PAMR1: variants seen among roughly 807,000 people sequenced by gnomAD.
PAMR1 encodes inactive serine protease PAMR1.
PAMR1 carries 88 observed loss-of-function variants against 81.8 expected under a neutral mutation model. The ratio of observed to expected loss-of-function variants is 1.08; its 90% CI spans 0.91 to 1.28. The LOEUF is 1.28. Ranked by LOEUF, PAMR1 falls within the 50% of genes most tolerant of loss-of-function variation. The probability of loss-of-function intolerance (pLI) is 0.00; values close to 1 mark genes in which losing one functional copy is unlikely to be tolerated. For synonymous variants in PAMR1, 336 were observed against 345.3 expected, an observed-to-expected ratio of 0.97 and a Z score of 0.30; for missense variants, 935 against 919.7, an observed-to-expected ratio of 1.02 and a Z score of -0.21.
chr11:35,450,371 GCC>G (rs1856389013), intron 6 of PAMR1, among the ~76,000 whole-genome samples: 1 of 152,010 alleles, frequency 6.6e-6, no homozygotes, highest in Admixed American at 6.6e-5. Context: ...TGAATCCAAA[GCC>G]CCCATTTTAT....
intron 1 of PAMR1, among the ~76,000 whole-genome samples, chr11:35,501,684 T>C (rs1042098558): frequency 6.6e-6 from 1 of 152,146 alleles, no homozygotes; most frequent in Non-Finnish European, 1.5e-5. Context: ...GAACACGCAA[T>C]ATTTATGGTT....
chr11:35,463,169 G>T (rs372966862), intron 6 of PAMR1, among the ~76,000 whole-genome samples: 1 of 152,146 alleles, frequency 6.6e-6, no homozygotes. Context: ...TGAGAAGCGC[G>T]GGTCTCCCCT....
chr11:35,511,899 T>G lies in PAMR1; in HGVS notation c.73+13614A>C, dbSNP rs77881611. 7.1e-3 allele frequency among the ~76,000 whole-genome samples: 1,075 copies of G among 152,256 alleles called. 2 individuals carry two copies. The highest frequency in any genetic ancestry group is 9.9e-3 in the Non-Finnish European group (675 of 68,012). ...GAGACTGTGAGTCAGAGGCGACAGA[T>G]TGCTTGCTGGGGCTCTTGGTGATTC... On this transcript the variant is annotated intron_variant, in intron 1 of 10. Coordinates refer to ENST00000619888, the MANE Select transcript of PAMR1 (RefSeq NM_001001991.3).
intron 6 of PAMR1, among the ~76,000 whole-genome samples, chr11:35,447,851 C>A (rs1247920593): frequency 6.6e-6 from 1 of 152,160 alleles, no homozygotes; most frequent in Admixed American, 6.5e-5. Flanking sequence ...GTGACAAATT[C>A]CCTCAGCATT....
At chr11:35,439,280 A>T (rs1049268351) in intron 8 of PAMR1, among the ~76,000 whole-genome samples, 2 of 152,206 alleles carry the variant, frequency 1.3e-5, no homozygotes, top group Non-Finnish European at 2.9e-5. Context: ...CAGAAATGTC[A>T]TCTTCCTAGA....
At position 35,458,192 on chromosome 11, in the gene PAMR1, G is replaced by A. The variant is rs1856573958; in HGVS notation, c.820+9809C>T. 2.0e-5 allele frequency among the ~76,000 whole-genome samples: 3 copies of A among 152,146 alleles called. No homozygotes were observed. The South Asian group carries it at 6.2e-4, about 31-fold the overall frequency. Reference sequence around the variant, plus strand: ...AACTGAAGTGAACAACATTTTCTCAGCACCCATCCTTAGATAAGGGGAAGA... The same window carrying A: ...AACTGAAGTGAACAACATTTTCTCAACACCCATCCTTAGATAAGGGGAAGA... On this transcript the variant is annotated intron_variant, in intron 6 of 10. Coordinates refer to ENST00000619888, the MANE Select transcript of PAMR1 (RefSeq NM_001001991.3).
At chr11:35,473,114 A>T (rs1353191577) in intron 4 of PAMR1, among the ~76,000 whole-genome samples, 4 of 152,116 alleles carry the variant, frequency 2.6e-5, no homozygotes, top group Admixed American at 6.5e-5. Context: ...TCAAGCAGGA[A>T]AATAGACTTT....
intron 3 of PAMR1, among the ~76,000 whole-genome samples, chr11:35,484,197 A>T (rs1376077611): frequency 6.6e-6 from 1 of 152,208 alleles, no homozygotes; most frequent in African/African-American, 2.4e-5. Flanking sequence ...TAATCTTCAC[A>T]AAAACTCTCA....
At chr11:35,509,775 A>C (rs539935600) in intron 1 of PAMR1, among the ~76,000 whole-genome samples, 2 of 152,242 alleles carry the variant, frequency 1.3e-5, no homozygotes, top group Non-Finnish European at 2.9e-5. Flanking sequence ...TTCCAGGGGT[A>C]GGGAGAGGGG....
intron 3 of PAMR1, among the ~76,000 whole-genome samples, chr11:35,481,596 C>T (rs1182585352): frequency 6.6e-6 from 1 of 152,082 alleles, no homozygotes. Context: ...GACCTCGGCT[C>T]ACTGCAACCT....
intron 1 of PAMR1, among the ~76,000 whole-genome samples, chr11:35,518,508 T>C (rs1197706383): frequency 1.3e-5 from 2 of 151,332 alleles, no homozygotes; most frequent in Non-Finnish European, 3.0e-5. Flanking sequence ...CCAAGCTGTA[T>C]TCCACGGAGC....
rs554917614 is a variant in PAMR1 at position 35,506,024 on chromosome 11, AT to A, written c.74-11753del. ...TTTATTTTTACTGTATCTATTACAG[AT>A]TTTTTTTCATTGAGTTACCATGAGG... On this transcript the variant is annotated intron_variant, in intron 1 of 10. Coordinates refer to ENST00000619888, the MANE Select transcript of PAMR1 (RefSeq NM_001001991.3). Among the ~76,000 whole-genome samples, 76 of 150,736 alleles carry A rather than the reference AT, an allele frequency of 5.0e-4. 1 individual carries two copies. In the South Asian group the frequency reaches 0.013, roughly 26 times the overall value.
chr11:35,448,453 T>C (rs1055129627), intron 6 of PAMR1, among the ~76,000 whole-genome samples: 2 of 152,230 alleles, frequency 1.3e-5, no homozygotes, highest in Non-Finnish European at 2.9e-5. Context: ...TGTGGTTGCA[T>C]TGTGAAGTTC....
At chr11:35,468,609 G>A (rs1364317434) in intron 5 of PAMR1, among the ~76,000 whole-genome samples, 1 of 152,228 alleles carries the variant, frequency 6.6e-6, no homozygotes, top group Admixed American at 6.5e-5. Context: ...AGATGTTGAT[G>A]TGTTTTACTA....
intron 3 of PAMR1, 95 bp from the exon 4 acceptor site, chr11:35,474,839 C>G: frequency 1.3e-6 from 1 of 743,518 alleles, no homozygotes; most frequent in Non-Finnish European, 2.3e-6. Flanking sequence ...CATGCCACAC[C>G]CCTGAGAACA....
intron 1 of PAMR1, among the ~76,000 whole-genome samples, chr11:35,520,609 C>T (rs2135426674): frequency 6.6e-6 from 1 of 152,232 alleles, no homozygotes; most frequent in African/African-American, 2.4e-5. Flanking sequence ...ATTGCATTTC[C>T]CTCCCCTTTA....
At chr11:35,517,046 A>G (rs556625637) in intron 1 of PAMR1, among the ~76,000 whole-genome samples, 120 of 152,274 alleles carry the variant, frequency 7.9e-4, no homozygotes, top group African/African-American at 2.7e-3. Context: ...TAGACTGACG[A>G]TAATTGTATC....
intron 1 of PAMR1, among the ~76,000 whole-genome samples, chr11:35,496,633 G>C (rs957851810): frequency 6.6e-6 from 1 of 152,228 alleles, no homozygotes; most frequent in African/African-American, 2.4e-5. Context: ...CAGAGAAGTA[G>C]AGAAATTGGA....
rs745706846 is a variant in PAMR1, at chr11:35,474,621, G to A, written c.494+9C>T. The A allele has an allele frequency of 6.5e-7, 1 of 1,528,384 alleles. No homozygotes were observed. 94.7% of individuals were successfully genotyped at this position (1,528,384 alleles called of 1,614,324 possible). A position where few individuals can be genotyped will look rare whatever the true frequency, so the allele number is the denominator to read the frequency against. On this transcript the variant is annotated intron_variant, in intron 4 of 10. Coordinates refer to ENST00000619888, the MANE Select transcript of PAMR1 (RefSeq NM_001001991.3). Reference sequence around the variant, plus strand: ...CTCAGACTCCTGACTTCTGGCCCCAGCTCCTTACCTTAGTTGGATGACAAA... The same window carrying A: ...CTCAGACTCCTGACTTCTGGCCCCAACTCCTTACCTTAGTTGGATGACAAA...
Sources: gnomAD v4.1 joint callset for allele counts (sites outside exome capture counted in the v4.1 genomes callset) on GRCh38, gnomAD v4.1.1 for gene constraint, MANE v1.5 for transcripts, NCBI Gene and HGNC (gene_info 2026-07-23, HGNC 2026-07-21) for gene names.